Variants in ANKRD62 observed in about 807,000 individuals in gnomAD.
The protein encoded by ANKRD62 is ankyrin repeat domain 62.
ANKRD62 carries 61 observed loss-of-function variants against 98.8 expected under a neutral mutation model. The ratio of observed to expected loss-of-function variants is 0.62; its 90% CI spans 0.50 to 0.76. The LOEUF (loss-of-function observed/expected upper bound fraction) is 0.76, where lower values mean the gene tolerates loss of function less well. ANKRD62 is among the 30% of genes least tolerant of loss of function. ANKRD62 has a pLI of 0.00. For missense variants in ANKRD62, 933 were observed against 1,082.9 expected (o/e 0.86, Z 1.94); for synonymous variants, 341 against 367.9 (o/e 0.93, Z 0.84).
rs1384186213 is a variant in ANKRD62 at position 12,125,740 on chromosome 18, A to G, written c.1919A>G (p.Gln640Arg). 6.5e-7 allele frequency: 1 copy of G among 1,545,260 alleles called. No individual in the cohort carries two copies. The highest frequency in any genetic ancestry group is 8.7e-7 in the Non-Finnish European group (1 of 1,146,956). Residue 640 changes from glutamine (Q) to arginine (R), a missense_variant, in exon 13 of 14, where the codon CAG becomes CGG. Physicochemically the swap from Gln to Arg is conservative, Grantham distance 43. This residue lies in a region of ANKRD62 where 362 missense variants were observed against 434.5 expected (regional missense o/e 0.83). Coordinates refer to ENST00000587848, the MANE Select transcript of ANKRD62 (RefSeq NM_001277333.2). Reference protein sequence around the residue: ...DENTMLNSELQKEKQSMSRLE... With the variant: ...DENTMLNSELRKEKQSMSRLE... ...AATACAATGCTCAATTCTGAGCTAC[A>G]GAAGGAAAAACAAAGCATGTCAAGA...
chr18:12,150,075 T>C, the ANKRD62 span, among the ~76,000 whole-genome samples: 1 of 152,032 alleles, frequency 6.6e-6, no homozygotes, highest in Non-Finnish European at 1.5e-5. Context: ...AAGGATGAAA[T>C]AGCCACCATA....
Position 12,125,987 on chromosome 18 carries a change from T to C in ANKRD62, c.2166T>C (p.Tyr722=). ...GTGGCCTGGAAACTGAGCTCCATTATGAAAGAGAGGCTCTCAAAGAAAAGA... is the reference window on the plus strand; with the variant it reads ...GTGGCCTGGAAACTGAGCTCCATTACGAAAGAGAGGCTCTCAAAGAAAAGA... The part of the protein sequence containing the change: ...TSSGLETELH[Y]EREALKEKTL... The change falls in exon 13 of 14, where the codon TAT becomes TAC. Residue 722 remains tyrosine, a synonymous_variant. Transcript: ENST00000587848. 3 of 1,537,064 alleles carry C rather than the reference T, an allele frequency of 2.0e-6. No individual in the cohort carries two copies. The highest frequency in any genetic ancestry group is 2.6e-6 in the Non-Finnish European group (3 of 1,146,914).
At position 12,128,117 on chromosome 18, in the gene ANKRD62, G is replaced by A. The variant is rs1033211955; in HGVS notation, c.*178G>A. The A allele has an allele frequency of 2.1e-4, 72 of 339,566 alleles. No homozygotes were observed. The highest frequency in any genetic ancestry group is 1.4e-3 in the African/African-American group (64 of 47,178). The allele number at this position is 339,566 out of a possible 1,614,324, so 21.0% of individuals were successfully genotyped here. A position where few individuals can be genotyped will look rare whatever the true frequency, so the allele number is the denominator to read the frequency against. ...TCTTACACTATTTCCCCTTATGAAA[G>A]TTGAGAATTACACATCATTTCTCAC... On this transcript the variant is annotated 3_prime_UTR_variant, in exon 14 of 14. Coordinates refer to ENST00000587848, the MANE Select transcript of ANKRD62 (RefSeq NM_001277333.2).
At chr18:12,150,045 A>G in the ANKRD62 span, among the ~76,000 whole-genome samples, 1 of 152,306 alleles carries the variant, frequency 6.6e-6, no homozygotes, top group Non-Finnish European at 1.5e-5. Context: ...GAGAATCACA[A>G]TAGAATAATA....
At chr18:12,097,119 C>A (rs9951822) in intron 4 of ANKRD62, among the ~76,000 whole-genome samples, 90,315 of 151,848 alleles carry the variant, frequency 0.59, 27,390 homozygotes, top group Middle Eastern at 0.76. Context: ...TATATCCTTC[C>A]AGGGTGGTTG....
chr18:12,166,760 A>G, the ANKRD62 span, among the ~76,000 whole-genome samples: 1 of 152,164 alleles, frequency 6.6e-6, no homozygotes. Flanking sequence ...GTTCTAGGGT[A>G]CATGTGCCCA....
chr18:12,099,689 C>A lies in ANKRD62; in HGVS notation c.820+7C>A. ...CTTCAAAATAGCAATTCAGGTATGA[C>A]TTCTGATAGTGAATTCCTCTCGATG... On this transcript the variant is annotated splice_region_variant and intron_variant, in intron 6 of 13. Transcript: ENST00000587848. The A allele has an allele frequency of 7.0e-7, 1 of 1,436,622 alleles. No individual in the cohort carries two copies. Among genetic ancestry groups the A allele is most frequent in the Non-Finnish European group, 9.2e-7 (1 of 1,086,502 alleles). 89.0% of individuals were successfully genotyped at this position (1,436,622 alleles called of 1,614,324 possible).
In ANKRD62 at chr18:12,096,154, A is replaced by G. The variant is rs766899422; in HGVS notation, c.508-42A>G. On this transcript the variant is annotated intron_variant, in intron 3 of 13. Coordinates refer to ENST00000587848, the MANE Select transcript of ANKRD62 (RefSeq NM_001277333.2). ...AAGGTTTTCAGTTCAGTTGGGAAGT[A>G]TGTAATTTTGTGAATTATAAATTGT... 3.1e-6 allele frequency: 4 copies of G among 1,288,774 alleles called. No homozygotes were observed. In the South Asian group the frequency reaches 5.4e-5, roughly 17 times the overall value. The allele number at this position is 1,288,774 out of a possible 1,614,324, so 79.8% of individuals were successfully genotyped here.
chr18:12,166,847 T>G, the ANKRD62 span, among the ~76,000 whole-genome samples: 2,558 of 152,150 alleles, frequency 0.017, 76 homozygotes, highest in African/African-American at 0.059. Context: ...TTACATTAGG[T>G]ATTTCTGCTA....
chr18:12,103,226 C>A lies in ANKRD62; in HGVS notation c.889C>A (p.Gln297Lys). The change falls in exon 7 of 14, where the codon CAG becomes AAG. Residue 297 changes from glutamine (Q) to lysine (K), a missense_variant and splice_region_variant. Around this residue, in one of 3 missense-constraint regions of ANKRD62, gnomAD observed 549 missense variants for 587.9 expected, o/e 0.93. Coordinates refer to ENST00000587848, the MANE Select transcript of ANKRD62 (RefSeq NM_001277333.2). The part of the protein sequence containing the change: ...RLEGCESSQP[Q>K]VEEKMKKCRN... ...TGAAGGATGTGAAAGTAGCCAGCCA[C>A]AGGTATGTAAAAATTTAATTTCAAA... is the stretch of plus-strand genomic sequence containing the variant. The A allele has an allele frequency of 7.5e-7, 1 of 1,342,242 alleles. No homozygotes were observed. 83.1% of individuals were successfully genotyped at this position (1,342,242 alleles called of 1,614,324 possible). A position where few individuals can be genotyped will look rare whatever the true frequency, so the allele number is the denominator to read the frequency against.
the ANKRD62 span, among the ~76,000 whole-genome samples, chr18:12,158,791 C>T: frequency 1.3e-5 from 2 of 151,968 alleles, no homozygotes; most frequent in East Asian, 3.9e-4. Flanking sequence ...GCCTTGGCCT[C>T]CCAAAGTGCT....
chr18:12,137,832 G>T, the ANKRD62 span, among the ~76,000 whole-genome samples: 4 of 152,248 alleles, frequency 2.6e-5, no homozygotes, highest in East Asian at 1.9e-4. Context: ...TTTATTTGCA[G>T]TGAGGTGTTT....
the ANKRD62 span, among the ~76,000 whole-genome samples, chr18:12,146,754 T>C: frequency 6.6e-6 from 1 of 152,298 alleles, no homozygotes; most frequent in East Asian, 1.9e-4. Flanking sequence ...CCAGACTGCT[T>C]TTTTAAAGTG....
chr18:12,115,057 C>G, intron 8 of ANKRD62, 31 bp from the exon 9 acceptor site: 2 of 1,368,460 alleles, frequency 1.5e-6, no homozygotes, highest in East Asian at 2.7e-5. Flanking sequence ...TTACTATTTG[C>G]CTGATTGGAA....
chr18:12,139,378 C>T, the ANKRD62 span, among the ~76,000 whole-genome samples: 1 of 152,140 alleles, frequency 6.6e-6, no homozygotes, highest in Non-Finnish European at 1.5e-5. Flanking sequence ...GGCACGGTGG[C>T]TCATGCCTGT....
At chr18:12,164,345 CT>C in the ANKRD62 span, among the ~76,000 whole-genome samples, 13 of 151,642 alleles carry the variant, frequency 8.6e-5, no homozygotes, top group East Asian at 1.4e-3. Flanking sequence ...GTTGTAATGT[CT>C]TTTTTTTCGT....
At chr18:12,157,625 G>C in the ANKRD62 span, among the ~76,000 whole-genome samples, 1 of 151,974 alleles carries the variant, frequency 6.6e-6, no homozygotes, top group African/African-American at 2.4e-5. Flanking sequence ...TAGTGTGTTC[G>C]CTTGTGCTCA....
chr18:12,174,393 C>T, the ANKRD62 span, among the ~76,000 whole-genome samples: 86 of 152,296 alleles, frequency 5.6e-4, no homozygotes, highest in Admixed American at 4.0e-3. Context: ...TCTGTCAGCT[C>T]GTGCGTTGTT....
At chr18:12,124,735 G>T (rs546473274) in intron 12 of ANKRD62, among the ~76,000 whole-genome samples, 9 of 152,166 alleles carry the variant, frequency 5.9e-5, no homozygotes, top group African/African-American at 1.9e-4. Context: ...GAAAGAAAAG[G>T]TTTCTATTGT....
Sources: allele counts gnomAD v4.1 joint callset (sites outside exome capture counted in the v4.1 genomes callset), GRCh38; gene constraint gnomAD v4.1.1; regional missense constraint gnomAD v4.1.1; transcripts MANE v1.5; gene names NCBI Gene and HGNC (gene_info 2026-07-23, HGNC 2026-07-21).